The following ERAP1 variants were observed in gnomAD, a reference collection of about 807,000 sequenced individuals.
ERAP1 encodes adipocyte-derived leucine aminopeptidase.
In ERAP1, 86 loss-of-function variants were observed where a neutral mutation model predicts 103.7. That is an observed-to-expected ratio of 0.83 (90% confidence interval 0.70 to 0.99). The LOEUF is 0.99. ERAP1 is among the 50% of genes least tolerant of loss of function. The pLI is 0.00. For synonymous variants in ERAP1, 398 were observed against 402.4 expected, an observed-to-expected ratio of 0.99 and a Z score of 0.13; for missense variants, 1,009 against 1,128.4, an observed-to-expected ratio of 0.89 and a Z score of 1.52.
the ERAP1 span, among the ~76,000 whole-genome samples, chr5:96,867,488 AT>A: frequency 6.6e-6 from 1 of 152,148 alleles, no homozygotes. Flanking sequence ...CTTAGGTGGA[AT>A]TCTTGAAGGG....
chr5:96,886,167 C>T, the ERAP1 span, among the ~76,000 whole-genome samples: 1 of 152,208 alleles, frequency 6.6e-6, no homozygotes, highest in Non-Finnish European at 1.5e-5. Context: ...TGAGAAACAA[C>T]ACCAACCTCA....
chr5:96,931,911 A>G, the ERAP1 span, among the ~76,000 whole-genome samples: 6 of 152,198 alleles, frequency 3.9e-5, no homozygotes, highest in Admixed American at 6.5e-5. Flanking sequence ...TGGACTTGTT[A>G]TATGAAATGA....
the ERAP1 span, among the ~76,000 whole-genome samples, chr5:96,834,563 C>T: frequency 3.9e-5 from 6 of 152,110 alleles, no homozygotes; most frequent in Non-Finnish European, 8.8e-5. Flanking sequence ...TATACTGAGA[C>T]AAAACTTTTA....
downstream of ERAP1, among the ~76,000 whole-genome samples, chr5:96,770,848 T>C (rs1772046757): frequency 6.6e-6 from 1 of 152,196 alleles, no homozygotes; most frequent in Admixed American, 6.5e-5. Context: ...GTGTTTTGCC[T>C]GTCTTTCTTG....
At chr5:96,880,747 C>G in the ERAP1 span, among the ~76,000 whole-genome samples, 1 of 152,170 alleles carries the variant, frequency 6.6e-6, no homozygotes, top group Non-Finnish European at 1.5e-5. Context: ...TTGATCAAGT[C>G]ACATTCATTG....
the ERAP1 span, among the ~76,000 whole-genome samples, chr5:96,839,821 C>T: frequency 6.6e-6 from 1 of 152,124 alleles, no homozygotes; most frequent in African/African-American, 2.4e-5. Context: ...CTTAATAAAT[C>T]CCAAAAATAC....
At chr5:96,839,132 G>C in the ERAP1 span, among the ~76,000 whole-genome samples, 1 of 152,212 alleles carries the variant, frequency 6.6e-6, no homozygotes, top group Admixed American at 6.5e-5. Context: ...CACAGGGCAA[G>C]GTCTGGGACA....
At chr5:96,912,206 A>AG in the ERAP1 span, among the ~76,000 whole-genome samples, 1 of 146,374 alleles carries the variant, frequency 6.8e-6, no homozygotes, top group Admixed American at 6.8e-5. Flanking sequence ...AAAAAAAAAG[A>AG]AAAGAAAAGA....
the ERAP1 span, among the ~76,000 whole-genome samples, chr5:96,856,365 T>TATATATATAGAGAGAG: frequency 2.0e-3 from 40 of 20,358 alleles, no homozygotes; most frequent in Admixed American, 6.1e-3. Context: ...TATATATATA[T>TATATATATAGAGAGAG]AGAGAGAGAG....
the ERAP1 span, among the ~76,000 whole-genome samples, chr5:96,920,369 TG>T: frequency 6.6e-6 from 1 of 151,978 alleles, no homozygotes; most frequent in Non-Finnish European, 1.5e-5. Flanking sequence ...TATCAGTACA[TG>T]CTACTGCTCT....
chr5:96,770,367 C>CT, downstream of ERAP1: 1 of 578,748 alleles, frequency 1.7e-6, no homozygotes, highest in Non-Finnish European at 3.1e-6. Flanking sequence ...AAACAATTCT[C>CT]TGACACCGTT....
the ERAP1 span, chr5:96,909,499 G>T: frequency 2.9e-6 from 3 of 1,043,974 alleles, no homozygotes; most frequent in East Asian, 7.2e-5. Flanking sequence ...AGAAAGTTTA[G>T]AGTTGAGCCC....
Position 96,785,918 on chromosome 5 carries a change from T to C in ERAP1, c.1813A>G (p.Asn605Asp). 2 of 1,614,202 alleles carry C rather than the reference T, an allele frequency of 1.2e-6. No homozygotes were observed. The highest frequency in any genetic ancestry group is 1.7e-6 in the Non-Finnish European group (2 of 1,180,040). The change falls in exon 13 of 19, where the codon AAT (asparagine) becomes GAT (aspartate). Residue 605 changes from asparagine (N) to aspartate (D), a missense_variant. Asn to Asp is a conservative substitution (Grantham distance 23). Around this residue, in one of 3 missense-constraint regions of ERAP1, gnomAD observed 611 missense variants for 651.7 expected, o/e 0.94. Transcript: ENST00000443439. ...VEWIKFNVGMNGYYIVHYEDD... is the reference protein window; with the variant it reads ...VEWIKFNVGMDGYYIVHYEDD... The stretch of plus-strand genomic sequence containing the variant: ...TCGTAATGCACAATGTAATAGCCAT[T>C]CATGCCCACATTAAATTTGATCCAT...
chr5:96,926,014 G>A, the ERAP1 span, among the ~76,000 whole-genome samples: 3 of 148,910 alleles, frequency 2.0e-5, no homozygotes, highest in Admixed American at 6.8e-5. Flanking sequence ...AGGTTCAAGT[G>A]ATTCTCCTGC....
At chr5:96,886,375 G>A in the ERAP1 span, among the ~76,000 whole-genome samples, 1 of 152,188 alleles carries the variant, frequency 6.6e-6, no homozygotes, top group Non-Finnish European at 1.5e-5. Context: ...ATAGAAATAT[G>A]TAATATTTTT....
At chr5:96,763,043 T>C (rs147152947) in exon 20 of ERAP1, 3 of 740,158 alleles carry the variant, frequency 4.1e-6, no homozygotes, top group Non-Finnish European at 7.5e-6. Context: ...TATAAAGGGA[T>C]TGCCCTAAAC....
At chr5:96,871,942 T>A in the ERAP1 span, among the ~76,000 whole-genome samples, 2 of 152,166 alleles carry the variant, frequency 1.3e-5, no homozygotes, top group Admixed American at 6.6e-5. Flanking sequence ...ACTAGGTGAA[T>A]TTCCCCTCCC....
chr5:96,899,457 T>C, the ERAP1 span, among the ~76,000 whole-genome samples: 1 of 152,158 alleles, frequency 6.6e-6, no homozygotes, highest in African/African-American at 2.4e-5. Context: ...ATGAGAAGAA[T>C]TAGTTGCTGT....
At chr5:96,883,114 T>C in the ERAP1 span, among the ~76,000 whole-genome samples, 1 of 152,120 alleles carries the variant, frequency 6.6e-6, no homozygotes, top group Admixed American at 6.6e-5. Flanking sequence ...AGACAGACCA[T>C]TAGCCAACAA....
Sources: gnomAD v4.1 joint callset for allele counts (sites outside exome capture counted in the v4.1 genomes callset) on GRCh38, gnomAD v4.1.1 for gene constraint, gnomAD v4.1.1 regional missense constraint, MANE v1.5 for transcripts, NCBI Gene and HGNC (gene_info 2026-07-23, HGNC 2026-07-21) for gene names.